STK39: variants seen among roughly 807,000 people sequenced by gnomAD.
STK39 encodes serine/threonine kinase 39.
In STK39, 20 loss-of-function variants were observed where a neutral mutation model predicts 77.8. The observed-to-expected ratio is 0.26, with a 90% CI of 0.18 to 0.37. The LOEUF (loss-of-function observed/expected upper bound fraction) is 0.37, where lower values mean the gene tolerates loss of function less well. STK39 is among the 10% of genes least tolerant of loss of function. The pLI is 1.00. For synonymous variants in STK39, 246 were observed against 234.1 expected, an observed-to-expected ratio of 1.05 and a Z score of -0.47; for missense variants, 479 against 656.5, an observed-to-expected ratio of 0.73 and a Z score of 2.95.
At chr2:167,972,700 A>G (rs1278224856) in intron 16 of STK39, among the ~76,000 whole-genome samples, 5 of 152,234 alleles carry the variant, frequency 3.3e-5, no homozygotes, top group Admixed American at 2.0e-4. Context: ...AAAAGGCGCT[A>G]TAGTTGAAAG....
chr2:168,077,903 CA>C (rs10707753), intron 10 of STK39, among the ~76,000 whole-genome samples: 52,668 of 135,504 alleles, frequency 0.39, 9,493 homozygotes, highest in Non-Finnish European at 0.44. Context: ...GTTAAAACTT[CA>C]AAAAAAAAAA....
intron 1 of STK39, chr2:168,232,119 C>G (rs942727442): frequency 6.0e-5 from 15 of 249,454 alleles, no homozygotes; most frequent in Non-Finnish European, 1.8e-5. Flanking sequence ...ATCACATCAC[C>G]AGAGTGCAGG....
chr2:167,956,793 A>C (rs925129683), intron 17 of STK39, among the ~76,000 whole-genome samples: 1 of 147,768 alleles, frequency 6.8e-6, no homozygotes, highest in African/African-American at 2.5e-5. Context: ...ATAAATCAGA[A>C]TTGGACATTA....
chr2:168,098,013 A>T (rs1686719913), intron 10 of STK39, among the ~76,000 whole-genome samples: 1 of 152,238 alleles, frequency 6.6e-6, no homozygotes, highest in Non-Finnish European at 1.5e-5. Context: ...CCTCATAGCA[A>T]ACGAACACTA....
intron 1 of STK39, among the ~76,000 whole-genome samples, chr2:168,243,081 G>A (rs1212274136): frequency 6.6e-6 from 1 of 152,094 alleles, no homozygotes; most frequent in Non-Finnish European, 1.5e-5. Flanking sequence ...CAGCAGCAAG[G>A]CAGCCTGGTA....
chr2:167,955,445 T>C lies in STK39; in HGVS notation c.*51A>G, dbSNP rs765946581. The C allele has an allele frequency of 1.3e-6, 2 of 1,561,474 alleles. No homozygotes were observed. Among genetic ancestry groups the C allele is most frequent in the Non-Finnish European group, 1.8e-6 (2 of 1,139,850 alleles). ...CAGAAAGAGGGAGGGTTGAAGGGAG[T>C]AGGGGTGGCGGTGGGGCATGACAGA... On this transcript the variant is annotated 3_prime_UTR_variant, in exon 18 of 18. Transcript: ENST00000355999.
At chr2:167,993,221 G>A (rs934469921) in intron 16 of STK39, among the ~76,000 whole-genome samples, 6 of 152,222 alleles carry the variant, frequency 3.9e-5, no homozygotes, top group Admixed American at 3.3e-4. Context: ...TACAGCTGAA[G>A]CCCCACAATG....
At chr2:168,215,752 G>GA (rs530928983) in intron 1 of STK39, among the ~76,000 whole-genome samples, 17 of 152,244 alleles carry the variant, frequency 1.1e-4, no homozygotes, top group Admixed American at 9.8e-4. Flanking sequence ...AGGAAAGGGG[G>GA]AAAAAATGGA....
At chr2:168,059,753 C>T (rs1286963819) in intron 14 of STK39, among the ~76,000 whole-genome samples, 1 of 152,214 alleles carries the variant, frequency 6.6e-6, no homozygotes, top group African/African-American at 2.4e-5. Context: ...GCTTTTCACA[C>T]AGCAACAGAA....
At chr2:168,070,743 G>T (rs371233052) in intron 12 of STK39, among the ~76,000 whole-genome samples, 2 of 151,946 alleles carry the variant, frequency 1.3e-5, no homozygotes, top group Admixed American at 6.6e-5. Context: ...ATGGTTTCCA[G>T]CTTCATCCAT....
intron 14 of STK39, among the ~76,000 whole-genome samples, chr2:168,053,794 C>T (rs997362621): frequency 1.3e-5 from 2 of 152,164 alleles, no homozygotes; most frequent in Non-Finnish European, 2.9e-5. Context: ...CCTCTATCAC[C>T]TATATGTATA....
chr2:168,070,629 T>C (rs1685916048), intron 12 of STK39, among the ~76,000 whole-genome samples: 1 of 132,192 alleles, frequency 7.6e-6, no homozygotes, highest in African/African-American at 2.8e-5. Context: ...CAGTGTGTGA[T>C]GTTCCCCATC....
At chr2:168,196,176 G>C (rs781535729) in intron 1 of STK39, among the ~76,000 whole-genome samples, 1 of 152,122 alleles carries the variant, frequency 6.6e-6, no homozygotes, top group Non-Finnish European at 1.5e-5. Context: ...CTCAATTTAT[G>C]GTTTACATGA....
chr2:168,230,253 C>A (rs1450326649), intron 1 of STK39, among the ~76,000 whole-genome samples: 1 of 152,154 alleles, frequency 6.6e-6, no homozygotes, highest in Non-Finnish European at 1.5e-5. Flanking sequence ...TTTGGGCTGG[C>A]CTTGTGATAT....
rs775463188 is a variant in STK39, at chr2:167,964,723, G to C, written c.1502C>G (p.Ala501Gly). 6.2e-7 allele frequency: 1 copy of C among 1,609,816 alleles called. No homozygotes were observed. The highest frequency in any genetic ancestry group is 8.5e-7 in the Non-Finnish European group (1 of 1,178,032). The change falls in exon 17 of 18, where the codon GCT becomes GGT. Residue 501 changes from alanine to glycine, a missense_variant. By Grantham distance (60) the Ala-to-Gly change is moderately conservative. Around this residue, in one of 3 missense-constraint regions of STK39, gnomAD observed 244 missense variants for 296.8 expected, o/e 0.82. Transcript: ENST00000355999. ...ATCTACAATCTTCTGTAAATTAGCA[G>C]CCACTGTAAAATATAAACGTAGAGA... Reference protein sequence around the residue: ...LVDGHDVVIVAANLQKIVDDP... With the variant: ...LVDGHDVVIVGANLQKIVDDP...
intron 1 of STK39, among the ~76,000 whole-genome samples, chr2:168,197,648 A>G (rs1689505765): frequency 6.6e-6 from 1 of 152,242 alleles, no homozygotes; most frequent in South Asian, 2.1e-4. Flanking sequence ...ACTAAAAAAT[A>G]TATATGTAAA....
chr2:168,190,087 A>T (rs570986565), intron 1 of STK39, among the ~76,000 whole-genome samples: 1 of 152,292 alleles, frequency 6.6e-6, no homozygotes, highest in African/African-American at 2.4e-5. Flanking sequence ...TTCATCCTAG[A>T]ACTTCTATGC....
chr2:168,063,617 GGAA>G, intron 13 of STK39, 47 bp from the exon 14 acceptor site: 1 of 1,523,618 alleles, frequency 6.6e-7, no homozygotes, highest in Non-Finnish European at 9.0e-7. Context: ...TATCAGGAAA[GGAA>G]TGAATAAAAT....
intron 1 of STK39, among the ~76,000 whole-genome samples, chr2:168,235,121 A>G (rs1292010504): frequency 6.7e-6 from 1 of 150,212 alleles, no homozygotes; most frequent in Non-Finnish European, 1.5e-5. Context: ...CACTGCAACC[A>G]CCGCTTCTCG....
Sources: allele counts gnomAD v4.1 joint callset (sites outside exome capture counted in the v4.1 genomes callset), GRCh38; gene constraint gnomAD v4.1.1; regional missense constraint gnomAD v4.1.1; transcripts MANE v1.5; gene names NCBI Gene and HGNC (gene_info 2026-07-23, HGNC 2026-07-21).